The following ARL17A variants were observed in gnomAD, a reference collection of about 807,000 sequenced individuals.
The protein encoded by ARL17A is ADP-ribosylation factor-like 17-like.
At chr17:46,545,879 C>A (rs567970783) in intron 3 of ARL17A, among the ~76,000 whole-genome samples, 1 of 150,290 alleles carries the variant, frequency 6.7e-6, no homozygotes, top group Admixed American at 6.6e-5. Flanking sequence ...CCACTCCCAA[C>A]AGGAATTGAG....
the ARL17A span, among the ~76,000 whole-genome samples, chr17:46,501,139 C>T: frequency 6.6e-6 from 1 of 151,286 alleles, no homozygotes; most frequent in African/African-American, 2.5e-5. Flanking sequence ...ATCCTCCTGC[C>T]TCAGCCTCTT....
rs766255014 is a variant in ARL17A at position 46,537,077 on chromosome 17, ATTTTTTTTTTTTTTT to A, written c.335+1259_335+1273del. On this transcript the variant is annotated intron_variant, in intron 4 of 4. Transcript: ENST00000329240. ...GTTCTGAAAAAGTTTATTGTGGTCA[ATTTTTTTTTTTTTTT>A]TTTTTTTTTTTTTTGCTATTTTTTT... Among the ~76,000 whole-genome samples, 13 of 34,816 alleles carry A rather than the reference ATTTTTTTTTTTTTTT, an allele frequency of 3.7e-4. No individual in the cohort carries two copies. The South Asian group carries it at 3.7e-3, about 10-fold the overall frequency. The allele number at this position is 34,816 out of a possible 152,430, so 22.8% of individuals were successfully genotyped here.
rs1175082060 is a variant in ARL17A at position 46,545,059 on chromosome 17, C to G, written c.260-6633G>C. 7.3e-5 allele frequency among the ~76,000 whole-genome samples: 10 copies of G among 137,552 alleles called. 2 individuals carry two copies. Among genetic ancestry groups the G allele is most frequent in the African/African-American group, 2.6e-4 (9 of 34,866 alleles). 90.2% of individuals were successfully genotyped at this position (137,552 alleles called of 152,430 possible). On this transcript the variant is annotated intron_variant, in intron 3 of 4. Coordinates refer to the ARL17A transcript ENST00000329240. ...GAAAAATACTGCATAGGTGATGTATCCTTCCTGCCTCGTAACCGCAGATGG... is the reference window on the plus strand; with the variant it reads ...GAAAAATACTGCATAGGTGATGTATGCTTCCTGCCTCGTAACCGCAGATGG...
intron 3 of ARL17A, among the ~76,000 whole-genome samples, chr17:46,542,796 T>A (rs1340312395): frequency 6.6e-6 from 1 of 150,588 alleles, no homozygotes; most frequent in East Asian, 1.9e-4. Context: ...ACTTCAATTG[T>A]GCCACCAGCC....
At position 46,530,244 on chromosome 17, in the gene ARL17A, GA is replaced by G. The variant is rs2053482680; in HGVS notation, c.336-1386del. 4.1e-5 allele frequency among the ~76,000 whole-genome samples: 5 copies of G among 121,678 alleles called. No individual in the cohort carries two copies. In the South Asian group the frequency reaches 1.1e-3, roughly 27 times the overall value. The allele number at this position is 121,678 out of a possible 152,430, so 79.8% of individuals were successfully genotyped here. On this transcript the variant is annotated intron_variant, in intron 4 of 4. Transcript: ENST00000329240. ...AAGTGGGCAGAGGAAGATATAGAAT[GA>G]AGGGGTAGCCGACTTTGTACAGAGC... is the stretch of plus-strand genomic sequence containing the variant.
chr17:46,558,816 A>G lies in ARL17A; in HGVS notation c.260-1186T>C, dbSNP rs1307451030. The G allele has an allele frequency of 2.3e-5, 3 of 129,930 alleles. 1 individual carries two copies. Among genetic ancestry groups the G allele is most frequent in the Non-Finnish European group, 4.8e-5 (3 of 62,572 alleles). 8.0% of individuals were successfully genotyped at this position (129,930 alleles called of 1,614,324 possible). ...ACACTCCCCTATATCAATCTCCCAG[A>G]AAAAGGGACCTCTTTTATTCTTTTT... is the stretch of plus-strand genomic sequence containing the variant. On this transcript the variant is annotated intron_variant, in intron 3 of 3. Coordinates refer to ENST00000336125, the MANE Select transcript of ARL17A (RefSeq NM_001113738.2).
At chr17:46,529,983 G>A (rs1476211552) in intron 4 of ARL17A, among the ~76,000 whole-genome samples, 5 of 140,994 alleles carry the variant, frequency 3.5e-5, no homozygotes, top group African/African-American at 1.3e-4. Flanking sequence ...GTTGGAGAGT[G>A]AGAGAATTTT....
At position 46,558,052 on chromosome 17, in the gene ARL17A, A is replaced by G. The variant is rs1287480509; in HGVS notation, c.260-422T>C. Among the ~76,000 whole-genome samples, 6 of 138,806 alleles carry G rather than the reference A, an allele frequency of 4.3e-5. 1 individual carries two copies. The highest frequency in any genetic ancestry group is 9.4e-5 in the Non-Finnish European group (6 of 64,126). 91.1% of individuals were successfully genotyped at this position (138,806 alleles called of 152,430 possible). Reference sequence around the variant, plus strand: ...AAAGATATCCACAGGGAAATTCAGGAGTTTTGTTTGTTTTTTTTTCTTTTA... The same window carrying G: ...AAAGATATCCACAGGGAAATTCAGGGGTTTTGTTTGTTTTTTTTTCTTTTA... On this transcript the variant is annotated intron_variant, in intron 3 of 3. Coordinates refer to ENST00000336125, the MANE Select transcript of ARL17A (RefSeq NM_001113738.2).
rs1433181574 is a variant in ARL17A at position 46,553,618 on chromosome 17, GCAC to G, written c.*3735_*3737del. The stretch of plus-strand genomic sequence containing the variant: ...CCCGAGTAGCTGGGATTACAGGCAT[GCAC>G]CACTAGTCTCGCGACGTTTTAATTA... On this transcript the variant is annotated 3_prime_UTR_variant, in exon 4 of 4. Coordinates refer to ENST00000336125, the MANE Select transcript of ARL17A (RefSeq NM_001113738.2). The G allele has an allele frequency of 2.1e-6, 1 of 483,226 alleles. No individual in the cohort carries two copies. Among genetic ancestry groups the G allele is most frequent in the South Asian group, 9.7e-5 (1 of 10,280 alleles). 29.9% of individuals were successfully genotyped at this position (483,226 alleles called of 1,614,324 possible).
chr17:46,548,636 G>C, downstream of ARL17A: 1 of 1,603,654 alleles, frequency 6.2e-7, no homozygotes, highest in Non-Finnish European at 8.5e-7. Flanking sequence ...AGAGTGAAGA[G>C]AGTCCTCATG....
In ARL17A at chr17:46,557,230, G is replaced by GA. The variant is rs1266212954; in HGVS notation, c.*125dup. 2 of 539,320 alleles carry GA rather than the reference G, an allele frequency of 3.7e-6. 1 individual carries two copies. Among genetic ancestry groups the GA allele is most frequent in the Non-Finnish European group, 6.4e-6 (2 of 310,970 alleles). 33.4% of individuals were successfully genotyped at this position (539,320 alleles called of 1,614,324 possible). A position where few individuals can be genotyped will look rare whatever the true frequency, so the allele number is the denominator to read the frequency against. On this transcript the variant is annotated 3_prime_UTR_variant, in exon 4 of 4. Coordinates refer to ENST00000336125, the MANE Select transcript of ARL17A (RefSeq NM_001113738.2). ...TCTTATGTTACACTACCCCAGATAG[G>GA]AAAACAGAAATTACTCTAGATATTT...
At chr17:46,533,188 AAGG>A (rs1226163658) in intron 4 of ARL17A, among the ~76,000 whole-genome samples, 3 of 100,870 alleles carry the variant, frequency 3.0e-5, no homozygotes, top group South Asian at 3.5e-4. Flanking sequence ...GAGGCCAAGG[AAGG>A]AGGATTGCTT....
rs1230441508 is a variant in ARL17A at position 46,568,785 on chromosome 17, C to CA, written c.259+1973dup. 4.9e-3 allele frequency among the ~76,000 whole-genome samples: 420 copies of CA among 84,936 alleles called. 11 individuals are homozygous for CA. Among genetic ancestry groups the CA allele is most frequent in the African/African-American group, 0.023 (379 of 16,722 alleles). 55.7% of individuals were successfully genotyped at this position (84,936 alleles called of 152,430 possible). A position where few individuals can be genotyped will look rare whatever the true frequency, so the allele number is the denominator to read the frequency against. ...GTGCCACTGCACGAGACCCTGTCTC[C>CA]AAAAAAAAAAAGGAAAAAAAAAGGC... On this transcript the variant is annotated intron_variant, in intron 3 of 3. Transcript: ENST00000336125.
intron 4 of ARL17A, among the ~76,000 whole-genome samples, chr17:46,530,153 A>T (rs1567950312): frequency 7.4e-6 from 1 of 135,444 alleles, no homozygotes; most frequent in Non-Finnish European, 1.6e-5. Context: ...TGGCCTCCCA[A>T]AGTGCTGAGA....
At chr17:46,531,902 A>G (rs1393953162) in intron 4 of ARL17A, among the ~76,000 whole-genome samples, 2 of 130,908 alleles carry the variant, frequency 1.5e-5, no homozygotes, top group Non-Finnish European at 3.1e-5. Flanking sequence ...CATGAAATTT[A>G]CTCCCATGTT....
At chr17:46,529,197 A>G (rs1027613053) in intron 4 of ARL17A, among the ~76,000 whole-genome samples, 11 of 133,914 alleles carry the variant, frequency 8.2e-5, no homozygotes, top group African/African-American at 2.4e-4. Context: ...ATTTGGAGGG[A>G]AAAAAAAGAA....
At chr17:46,532,772 T>C (rs906115789) in intron 4 of ARL17A, among the ~76,000 whole-genome samples, 1 of 148,022 alleles carries the variant, frequency 6.8e-6, no homozygotes, top group African/African-American at 2.6e-5. Flanking sequence ...AGAACAATAG[T>C]AATGTCCCCT....
chr17:46,558,320 A>G (rs1306101083), intron 3 of ARL17A, among the ~76,000 whole-genome samples: 3 of 110,056 alleles, frequency 2.7e-5, no homozygotes, highest in Non-Finnish European at 5.4e-5. Flanking sequence ...CTGGCCTCCC[A>G]AAGGGCTGAG....
Position 46,558,062 on chromosome 17 carries a change from G to GT in ARL17A, c.260-433dup, listed in dbSNP as rs1219618738. Among the ~76,000 whole-genome samples, 63 of 137,566 alleles carry GT rather than the reference G, an allele frequency of 4.6e-4. 8 individuals are homozygous for GT. Among genetic ancestry groups the GT allele is most frequent in the Middle Eastern group, 3.5e-3 (1 of 286 alleles). 90.2% of individuals were successfully genotyped at this position (137,566 alleles called of 152,430 possible). On this transcript the variant is annotated intron_variant, in intron 3 of 3. Transcript: ENST00000336125. ...ACAGGGAAATTCAGGAGTTTTGTTT[G>GT]TTTTTTTTTCTTTTAAGGTGGAGTT... is the stretch of plus-strand genomic sequence containing the variant.
Sources: allele counts gnomAD v4.1 joint callset (sites outside exome capture counted in the v4.1 genomes callset), GRCh38; gene constraint gnomAD v4.1.1; transcripts MANE v1.5; gene names NCBI Gene and HGNC (gene_info 2026-07-23, HGNC 2026-07-21).